The following EFCAB6 variants were observed in gnomAD, a reference collection of about 807,000 sequenced individuals.
EFCAB6 encodes the protein EF-hand calcium binding domain 6, also known as EF-hand calcium-binding domain-containing protein 6.
Under a neutral mutation model 169.8 loss-of-function variants are expected in EFCAB6, and 156 were observed. The ratio of observed to expected loss-of-function variants is 0.92; its 90% CI spans 0.81 to 1.05. EFCAB6 has a LOEUF of 1.05. Ranked by LOEUF, EFCAB6 falls within the 50% of genes least tolerant of loss-of-function variation. EFCAB6 has a pLI of 0.00. For missense variants in EFCAB6, 1,800 were observed against 1,829.1 expected (o/e 0.98, Z 0.29); for synonymous variants, 698 against 676.4 (o/e 1.03, Z -0.50).
intron 10 of EFCAB6, among the ~76,000 whole-genome samples, chr22:43,705,823 C>G (rs1324541195): frequency 6.6e-6 from 1 of 151,570 alleles, no homozygotes; most frequent in Non-Finnish European, 1.5e-5. Context: ...ACTTATGCCT[C>G]AAGGAAATAG....
chr22:43,741,122 A>G (rs957390203), intron 6 of EFCAB6, among the ~76,000 whole-genome samples: 3 of 152,080 alleles, frequency 2.0e-5, no homozygotes, highest in African/African-American at 7.2e-5. Context: ...AGGGGAGGAG[A>G]GATGAAAAAG....
chr22:43,717,703 G>A (rs1000879386), intron 8 of EFCAB6, among the ~76,000 whole-genome samples: 1 of 152,148 alleles, frequency 6.6e-6, no homozygotes, highest in Non-Finnish European at 1.5e-5. Flanking sequence ...TCTGGCTTGT[G>A]TATAAAAACT....
At chr22:43,608,675 A>C in intron 21 of EFCAB6, 75 bp from the exon 22 acceptor site, 1 of 1,394,334 alleles carries the variant, frequency 7.2e-7, no homozygotes, top group Non-Finnish European at 1.0e-6. Context: ...TCAATTAGTC[A>C]ATATGTGGGA....
At chr22:43,651,478 G>A (rs1432584733) in intron 17 of EFCAB6, among the ~76,000 whole-genome samples, 1 of 152,270 alleles carries the variant, frequency 6.6e-6, no homozygotes, top group Non-Finnish European at 1.5e-5. Flanking sequence ...CAGGGGCAGG[G>A]CTCTCATAGA....
intron 19 of EFCAB6, among the ~76,000 whole-genome samples, chr22:43,627,946 G>C (rs1157222009): frequency 6.6e-6 from 1 of 152,142 alleles, no homozygotes; most frequent in Non-Finnish European, 1.5e-5. Context: ...GAATTTAAAA[G>C]ATGCCGCCCC....
At chr22:43,618,143 G>GAGGAAGGAAGGA (rs6147637) in intron 20 of EFCAB6, among the ~76,000 whole-genome samples, 1,552 of 63,818 alleles carry the variant, frequency 0.024, 167 homozygotes, top group East Asian at 0.13. Context: ...AGACAGAGAG[G>GAGGAAGGAAGGA]AGGAAGGAAG....
At chr22:43,794,563 T>C (rs1246591327) in intron 2 of EFCAB6, among the ~76,000 whole-genome samples, 1 of 152,244 alleles carries the variant, frequency 6.6e-6, no homozygotes, top group Non-Finnish European at 1.5e-5. Flanking sequence ...AGTTTTCATA[T>C]ATTTGATATG....
At chr22:43,601,609 A>C (rs1006998732) in intron 22 of EFCAB6, among the ~76,000 whole-genome samples, 2 of 152,244 alleles carry the variant, frequency 1.3e-5, no homozygotes, top group Non-Finnish European at 2.9e-5. Context: ...CGGAACCCAC[A>C]GTTGCCTGTG....
intron 26 of EFCAB6, among the ~76,000 whole-genome samples, chr22:43,563,434 A>T (rs1383183451): frequency 2.0e-5 from 3 of 152,064 alleles, no homozygotes; most frequent in African/African-American, 7.3e-5. Flanking sequence ...TGGGCAAGGC[A>T]TGCACCTGTG....
chr22:43,572,963 GA>G lies in EFCAB6; in HGVS notation c.3420+3333del, dbSNP rs1448728804. Among the ~76,000 whole-genome samples the G allele has an allele frequency of 6.6e-6, 1 of 152,226 alleles. No homozygotes were observed. The highest frequency in any genetic ancestry group is 2.4e-5 in the African/African-American group (1 of 41,470). On this transcript the variant is annotated intron_variant, in intron 26 of 31. Coordinates refer to ENST00000262726, the MANE Select transcript of EFCAB6 (RefSeq NM_022785.4). This position sits in a 1 kb window ranked among gnomAD's most constrained non-coding sequence, Gnocchi z 4.0. ...GCTAGATGGAATCCATGCTTTAGAG[GA>G]AAATGAAGACCCCAGAGAATGCCAG...
chr22:43,808,777 G>A (rs139351102), intron 2 of EFCAB6, among the ~76,000 whole-genome samples: 3,653 of 152,304 alleles, frequency 0.024, 70 homozygotes, highest in Non-Finnish European at 0.032. Flanking sequence ...AGGAAGAACT[G>A]GCAGGATGGA....
intron 24 of EFCAB6, among the ~76,000 whole-genome samples, chr22:43,585,735 A>T (rs890159396): frequency 7.2e-5 from 11 of 152,206 alleles, no homozygotes; most frequent in African/African-American, 2.4e-4. Context: ...AACTAAAGAC[A>T]AAGAGAAAAT....
chr22:43,789,520 G>A (rs2062198340), intron 2 of EFCAB6, among the ~76,000 whole-genome samples: 2 of 152,178 alleles, frequency 1.3e-5, no homozygotes, highest in Non-Finnish European at 1.5e-5. Context: ...ATGTATCCCA[G>A]TGAGTCACAG....
At chr22:43,748,384 C>T (rs959169125) in intron 6 of EFCAB6, among the ~76,000 whole-genome samples, 2 of 152,198 alleles carry the variant, frequency 1.3e-5, no homozygotes, top group African/African-American at 4.8e-5. Context: ...GGGCTTGTCT[C>T]CTTGCGGTGC....
chr22:43,659,770 T>C (rs1569333603), intron 17 of EFCAB6, among the ~76,000 whole-genome samples: 1 of 152,170 alleles, frequency 6.6e-6, no homozygotes, highest in Non-Finnish European at 1.5e-5. Context: ...TTCATGGTAG[T>C]GAGTAAAGAG....
rs1478478473 is a variant in EFCAB6 at position 43,795,707 on chromosome 22, T to G, written c.-8+13288A>C. Among the ~76,000 whole-genome samples, 10 of 151,976 alleles carry G rather than the reference T, an allele frequency of 6.6e-5. No homozygotes were observed. Reference sequence around the variant, plus strand: ...AAGCTCCATGAAATAAAAGGGTGTGTTTACACCACTCTACCCCCAGCCCCG... The same window carrying G: ...AAGCTCCATGAAATAAAAGGGTGTGGTTACACCACTCTACCCCCAGCCCCG... On this transcript the variant is annotated intron_variant, in intron 2 of 31. Coordinates refer to ENST00000262726, the MANE Select transcript of EFCAB6 (RefSeq NM_022785.4). This position sits in a 1 kb window ranked among gnomAD's most constrained non-coding sequence, Gnocchi z 4.2.
At chr22:43,603,227 G>T (rs1332149253) in intron 22 of EFCAB6, among the ~76,000 whole-genome samples, 5 of 152,140 alleles carry the variant, frequency 3.3e-5, no homozygotes, top group Non-Finnish European at 5.9e-5. Context: ...CTCATCCAAA[G>T]GAACAGAAGA....
Position 43,812,179 on chromosome 22 carries a change from C to T in EFCAB6, c.-156G>A, listed in dbSNP as rs768869906. The T allele has an allele frequency of 6.6e-6, 1 of 152,228 alleles. No individual in the cohort carries two copies. Among genetic ancestry groups the T allele is most frequent in the Non-Finnish European group, 1.5e-5 (1 of 68,050 alleles). 9.4% of individuals were successfully genotyped at this position (152,228 alleles called of 1,614,324 possible). A position where few individuals can be genotyped will look rare whatever the true frequency, so the allele number is the denominator to read the frequency against. On this transcript the variant is annotated 5_prime_UTR_variant, in exon 1 of 32. Coordinates refer to ENST00000262726, the MANE Select transcript of EFCAB6 (RefSeq NM_022785.4). ...GAATACAGCCTTACCGGGAACCCCT[C>T]CTCGATTCTCCGCCTAGCTGGGCCG...
At chr22:43,778,362 C>T (rs1372479362) in intron 3 of EFCAB6, among the ~76,000 whole-genome samples, 3 of 152,320 alleles carry the variant, frequency 2.0e-5, no homozygotes, top group South Asian at 2.1e-4. Context: ...GCATGGCACA[C>T]GAGGTTTTGC....
Sources: allele counts gnomAD v4.1 joint callset (sites outside exome capture counted in the v4.1 genomes callset), GRCh38; gene constraint gnomAD v4.1.1; non-coding constraint Gnocchi (gnomAD v3.1); transcripts MANE v1.5; gene names NCBI Gene and HGNC (gene_info 2026-07-23, HGNC 2026-07-21).